Variants in DNAH3 observed in about 807,000 individuals in gnomAD.
The protein encoded by DNAH3 is axonemal beta dynein heavy chain 3.
Under a neutral mutation model 432.5 loss-of-function variants are expected in DNAH3, and 332 were observed. The ratio of observed to expected loss-of-function variants is 0.77; its 90% CI spans 0.70 to 0.84. The LOEUF is 0.84. Among genes scored for constraint, DNAH3 ranks in the 40% least tolerant of loss-of-function variants. The pLI is 0.00. For missense variants in DNAH3, 4,861 were observed against 5,114.0 expected (o/e 0.95, Z 1.51); for synonymous variants, 1,956 against 1,900.2 (o/e 1.03, Z -0.76).
At chr16:20,970,463 G>A (rs1802715350) in intron 51 of DNAH3, among the ~76,000 whole-genome samples, 1 of 152,210 alleles carries the variant, frequency 6.6e-6, no homozygotes, top group Non-Finnish European at 1.5e-5. Flanking sequence ...GGCGGAGGTT[G>A]CAGTGAGCTG....
At chr16:20,978,485 C>T (rs1231941666) in intron 50 of DNAH3, among the ~76,000 whole-genome samples, 6 of 152,148 alleles carry the variant, frequency 3.9e-5, no homozygotes, top group Non-Finnish European at 5.9e-5. Flanking sequence ...GCTGAGATTG[C>T]GCCACTGAGT....
chr16:21,150,154 G>A (rs962768139), intron 1 of DNAH3, 136 bp downstream of exon 2: 6 of 365,874 alleles, frequency 1.6e-5, no homozygotes, highest in African/African-American at 4.3e-5. Flanking sequence ...GAACCCAGGA[G>A]GCGGAGGTTG....
intron 52 of DNAH3, among the ~76,000 whole-genome samples, chr16:20,969,115 T>C (rs1157052654): frequency 6.6e-6 from 1 of 150,986 alleles, no homozygotes; most frequent in African/African-American, 2.5e-5. Context: ...TGTGTGTGTG[T>C]GTGTGTTTCC....
intron 18 of DNAH3, among the ~76,000 whole-genome samples, chr16:21,089,933 C>G (rs1567773586): frequency 6.6e-6 from 1 of 151,772 alleles, no homozygotes; most frequent in Non-Finnish European, 1.5e-5. Context: ...TCTAGCAAGA[C>G]AGGCAAAGAA....
intron 59 of DNAH3, among the ~76,000 whole-genome samples, chr16:20,937,280 G>C (rs1193888533): frequency 6.6e-6 from 1 of 151,892 alleles, no homozygotes; most frequent in Non-Finnish European, 1.5e-5. Flanking sequence ...TCAGCCTCTG[G>C]AGTAGCTGGG....
chr16:21,067,452 T>C (rs774744645), intron 23 of DNAH3, 33 bp from the exon 24 acceptor site: 5 of 1,611,388 alleles, frequency 3.1e-6, no homozygotes, highest in Non-Finnish European at 4.2e-6. Flanking sequence ...AGACTCATCA[T>C]AAGGTTCCCA....
chr16:20,955,816 A>C (rs866013808), intron 54 of DNAH3, among the ~76,000 whole-genome samples: 1 of 152,196 alleles, frequency 6.6e-6, no homozygotes, highest in African/African-American at 2.4e-5. Flanking sequence ...AACATATGTA[A>C]AAGTGTTTAG....
At chr16:21,127,578 G>A (rs888783564) in intron 8 of DNAH3, 109 bp downstream of exon 9, 7 of 1,315,218 alleles carry the variant, frequency 5.3e-6, no homozygotes, top group Non-Finnish European at 5.2e-6. Flanking sequence ...AAAAAGACAC[G>A]AAAGGATGCC....
rs549197449 is a variant in DNAH3, at chr16:21,066,068, C to T, written c.3518+1215G>A. ...TCTTGAACTCCTGACCTCGGGTGAT[C>T]CGCCCCCTCGGCCTCCCAAAGTGCT... is the stretch of plus-strand genomic sequence containing the variant. On this transcript the variant is annotated intron_variant, in intron 24 of 61. Transcript: ENST00000261383. Among the ~76,000 whole-genome samples the T allele has an allele frequency of 3.3e-5, 5 of 152,108 alleles. No homozygotes were observed. In the East Asian group the frequency reaches 9.7e-4, roughly 29 times the overall value.
chr16:21,004,896 C>T (rs2087201638), intron 41 of DNAH3, among the ~76,000 whole-genome samples: 1 of 152,186 alleles, frequency 6.6e-6, no homozygotes, highest in South Asian at 2.1e-4. Context: ...TTCCAGCTCC[C>T]CTTCTCTGGT....
At chr16:21,097,629 G>C (rs2091723219) in intron 17 of DNAH3, 130 bp from the exon 18 acceptor site, 2 of 1,142,120 alleles carry the variant, frequency 1.8e-6, no homozygotes, top group Admixed American at 2.1e-5. Flanking sequence ...GAGAGTAAGA[G>C]AGGAAACTAA....
At chr16:21,023,317 G>T (rs2088351396) in intron 39 of DNAH3, among the ~76,000 whole-genome samples, 1 of 152,186 alleles carries the variant, frequency 6.6e-6, no homozygotes, top group African/African-American at 2.4e-5. Context: ...AGCCCTCATG[G>T]AGGGTCAGGG....
intron 40 of DNAH3, 63 bp downstream of exon 40, chr16:21,021,908 A>T: frequency 6.3e-7 from 1 of 1,576,582 alleles, no homozygotes; most frequent in Admixed American, 1.9e-5. Flanking sequence ...ATCTCAAAAA[A>T]AAAAGAAATA....
chr16:21,103,810 T>G (rs1025883139), intron 16 of DNAH3: 1 of 152,208 alleles, frequency 6.6e-6, no homozygotes. Flanking sequence ...AACGTGAACC[T>G]GGAGTGGGTG....
rs569964415 is a variant in DNAH3, at chr16:21,155,211, A to C, written c.117+4114T>G. 6.6e-5 allele frequency among the ~76,000 whole-genome samples: 10 copies of C among 151,856 alleles called. No homozygotes were observed. In the South Asian group the frequency reaches 2.1e-3, roughly 32 times the overall value. On this transcript the variant is annotated intron_variant, in intron 1 of 61. Coordinates refer to ENST00000261383, the Ensembl canonical transcript of DNAH3. ...GTGATCTGCCCACCTCCGCCTCCCA[A>C]AGTGCTGGGATTCAGGCATGAGCCA...
intron 44 of DNAH3, among the ~76,000 whole-genome samples, chr16:20,992,077 A>C (rs988112905): frequency 6.6e-6 from 1 of 152,182 alleles, no homozygotes; most frequent in African/African-American, 2.4e-5. Flanking sequence ...TTTACTTATC[A>C]GTTTCCAAGA....
At position 21,121,937 on chromosome 16, in the gene DNAH3, T is replaced by A; in HGVS notation, c.1584+8A>T. On this transcript the variant is annotated splice_region_variant and intron_variant, in intron 10 of 61. Coordinates refer to ENST00000261383, the Ensembl canonical transcript of DNAH3. ...TCATGCAAATGAATGATTAAGTGAC[T>A]ACTATACCTTGGGGATCCCATTAGA... 6.2e-7 allele frequency: 1 copy of A among 1,602,874 alleles called. No individual in the cohort carries two copies.
intron 32 of DNAH3, among the ~76,000 whole-genome samples, chr16:21,041,505 G>A (rs1022193868): frequency 6.6e-6 from 1 of 152,168 alleles, no homozygotes; most frequent in African/African-American, 2.4e-5. Flanking sequence ...TGGTCCATCT[G>A]AGTAAGTTTC....
intron 37 of DNAH3, among the ~76,000 whole-genome samples, chr16:21,030,769 G>A (rs1172616851): frequency 1.3e-5 from 2 of 152,178 alleles, no homozygotes; most frequent in Non-Finnish European, 2.9e-5. Flanking sequence ...GTACAACACA[G>A]CTCAGTTGCA....
Sources: allele counts gnomAD v4.1 joint callset (sites outside exome capture counted in the v4.1 genomes callset), GRCh38; gene constraint gnomAD v4.1.1; transcripts MANE v1.5; gene names NCBI Gene and HGNC (gene_info 2026-07-23, HGNC 2026-07-21).